Variants in LILRB2 observed in about 807,000 individuals in gnomAD.
The protein encoded by LILRB2 is leukocyte immunoglobulin like receptor B2.
A neutral mutation model predicts 72.7 loss-of-function variants in LILRB2; 47 were observed. The observed-to-expected ratio is 0.65, with a 90% confidence interval of 0.51 to 0.82. The LOEUF is 0.82. Ranked by LOEUF, LILRB2 falls within the 40% of genes least tolerant of loss-of-function variation. The pLI is 0.00. For missense variants in LILRB2, 767 were observed against 764.8 expected, an observed-to-expected ratio of 1.00 and a Z score of -0.03; for synonymous variants, 279 against 313.7, an observed-to-expected ratio of 0.89 and a Z score of 1.17.
rs996829487 is a variant in LILRB2 at position 54,278,368 on chromosome 19, T to C, written c.1150A>G (p.Ser384Gly). The stretch of plus-strand genomic sequence containing the variant: ...CCCGCGTGGGCTGAGGTCACAGGAC[T>C]CATGGGGAATTCAGCCTGGTACTTA... ...YPKYQAEFPM[S>G]PVTSAHAGTY... Residue 384 changes from serine (S) to glycine (G), a missense_variant, in exon 7 of 14, where the codon AGT becomes GGT. Ser to Gly is a moderately conservative substitution (Grantham distance 56). Transcript: ENST00000314446. 1.3e-5 allele frequency: 21 copies of C among 1,614,062 alleles called. No homozygotes were observed. Among genetic ancestry groups the C allele is most frequent in the Middle Eastern group, 1.6e-4 (1 of 6,084 alleles).
intron 13 of LILRB2, 194 bp from the exon 14 acceptor site, chr19:54,275,023 G>C: frequency 6.2e-7 from 1 of 1,603,910 alleles, no homozygotes; most frequent in East Asian, 2.2e-5. Flanking sequence ...GTGTTTCACC[G>C]GGGCATATGT....
rs539622045 is a variant in LILRB2 at position 54,276,064 on chromosome 19, G to T, written c.1595-61C>A. On this transcript the variant is annotated intron_variant, in intron 12 of 13. Coordinates refer to ENST00000314446, the MANE Select transcript of LILRB2 (RefSeq NM_001080978.4). The stretch of plus-strand genomic sequence containing the variant: ...AGGTTCCCTGGGACCTCTGAGTCCT[G>T]CCAGCCCCTGCCCTGCTCCCAGATG... 3.3e-4 allele frequency: 532 copies of T among 1,595,780 alleles called. 6 individuals carry two copies. The South Asian group carries it at 5.7e-3, about 17-fold the overall frequency.
intron 10 of LILRB2, 172 bp from the exon 11 acceptor site, chr19:54,276,628 G>T: frequency 7.0e-7 from 1 of 1,426,620 alleles, no homozygotes; most frequent in Non-Finnish European, 9.5e-7. Flanking sequence ...ATGGGACTGA[G>T]CCCGGAGGAC....
rs2080430058 is a variant in LILRB2 at position 54,279,374 on chromosome 19, G to A, written c.629C>T (p.Pro210Leu). The change falls in exon 5 of 14, where the codon CCC becomes CTC. Residue 210 changes from proline to leucine, a missense_variant. This residue lies in a region of LILRB2 where 599 missense variants were observed against 568.2 expected (regional missense o/e 1.05). Transcript: ENST00000314446. Reference sequence around the variant, plus strand: ...GACCAGGAGCTCCAGGAGATCACTGGGTGAAGACCACACATAGGGAGAGTT... The same window carrying A: ...GACCAGGAGCTCCAGGAGATCACTGAGTGAAGACCACACATAGGGAGAGTT... ...DLNSPYVWSS[P>L]SDLLELLVPG... is the part of the protein sequence containing the mutation. 1 of 1,613,590 alleles carries A rather than the reference G, an allele frequency of 6.2e-7. No individual in the cohort carries two copies. The highest frequency in any genetic ancestry group is 1.3e-5 in the African/African-American group (1 of 74,902).
Position 54,279,588 on chromosome 19 carries a change from T to C in LILRB2, c.415A>G (p.Arg139Gly). 1 of 1,614,118 alleles carries C rather than the reference T, an allele frequency of 6.2e-7. No homozygotes were observed. The highest frequency in any genetic ancestry group is 1.3e-5 in the African/African-American group (1 of 75,032). The stretch of plus-strand genomic sequence containing the variant: ...TGTGACTCACACTGGAGGGTCACCC[T>C]TCCTCCTGAGGTCACCACAGGGCTG... ...QPSPVVTSGG[R>G]VTLQCESQVA... Residue 139 changes from arginine to glycine, a missense_variant, in exon 5 of 14, where the codon AGG becomes GGG. Physicochemically the swap from Arg to Gly is moderately radical, Grantham distance 125 (BLOSUM62 -2). Transcript: ENST00000314446.
In LILRB2 at chr19:54,279,926, G is replaced by A. The variant is rs1366546333; in HGVS notation, c.220C>T (p.Arg74Ter). Residue 74 changes from arginine (R) to a stop codon, truncating the protein, a stop_gained, in exon 4 of 14, where the codon CGA (arginine) becomes TGA (stop). Coordinates refer to ENST00000314446, the MANE Select transcript of LILRB2 (RefSeq NM_001080978.4). LOFTEE classifies it high-confidence loss of function. ...TGGCCGTTCTTCACAAGCTCTGGTC[G>A]TATCCGTGTAATCCAAGATGCTGAT... is the stretch of plus-strand genomic sequence containing the variant. ...KKSASWITRI[R>*]PELVKNGQFH... 4 of 1,614,128 alleles carry A rather than the reference G, an allele frequency of 2.5e-6. No individual in the cohort carries two copies. Among genetic ancestry groups the A allele is most frequent in the South Asian group, 1.1e-5 (1 of 91,086 alleles).
Position 54,274,672 on chromosome 19 carries a change from T to G in LILRB2, c.*11A>C, listed in dbSNP as rs375564933. ...CCTTCTACTGAGTGTGGAGTCTGCG[T>G]ACCCTCCGGGCTAGTGGATGGCCAG... On this transcript the variant is annotated 3_prime_UTR_variant, in exon 14 of 14. Coordinates refer to ENST00000314446, the MANE Select transcript of LILRB2 (RefSeq NM_001080978.4). 8 of 1,613,916 alleles carry G rather than the reference T, an allele frequency of 5.0e-6. No homozygotes were observed. The highest frequency in any genetic ancestry group is 5.9e-6 in the Non-Finnish European group (7 of 1,180,018).
intron 4 of LILRB2, 67 bp from the exon 5 acceptor site, chr19:54,279,714 T>G (rs754050179): frequency 4.7e-5 from 75 of 1,606,320 alleles, no homozygotes; most frequent in Non-Finnish European, 6.2e-5. Flanking sequence ...AGGGCTGGGC[T>G]GTGAGAGGGA....
intron 7 of LILRB2, 41 bp downstream of exon 7, chr19:54,278,219 T>C (rs1231535120): frequency 4.3e-6 from 7 of 1,611,246 alleles, no homozygotes; most frequent in Non-Finnish European, 5.9e-6. Context: ...GGGCCTGAGC[T>C]GAGCCTTTGA....
In LILRB2 at chr19:54,279,835, G is replaced by A; in HGVS notation, c.311C>T (p.Ala104Val). Residue 104 changes from alanine (A) to valine (V), a missense_variant, in exon 4 of 14, where the codon GCT becomes GTT. Transcript: ENST00000314446. ...GRYGCQYYSRARWSELSDPLV... is the reference protein window; with the variant it reads ...GRYGCQYYSRVRWSELSDPLV... ...GGGGTCACTGAGCTCAGACCACCGA[G>A]CGCGGCTGTAATACTGACAGCCATA... 1.2e-6 allele frequency: 2 copies of A among 1,614,166 alleles called. No homozygotes were observed. The highest frequency in any genetic ancestry group is 8.5e-7 in the Non-Finnish European group (1 of 1,180,018).
rs1294255691 is a variant in LILRB2, at chr19:54,277,900, A to G, written c.1298T>C (p.Ile433Thr). 1.3e-6 allele frequency: 2 copies of G among 1,547,030 alleles called. No individual in the cohort carries two copies. Among genetic ancestry groups the G allele is most frequent in the Middle Eastern group, 1.7e-4 (1 of 5,964 alleles). ...CCTCAGGGACTCACCAGGTGTGGAGATGGGACCGGTGGGTGGGGGGCTGGA... is the reference window on the plus strand; with the variant it reads ...CCTCAGGGACTCACCAGGTGTGGAGGTGGGACCGGTGGGTGGGGGGCTGGA... ...MGSSPPPTGP[I>T]STPGPEDQPL... The change falls in exon 8 of 14, where the codon ATC (isoleucine) becomes ACC (threonine). Residue 433 changes from isoleucine (I) to threonine (T), a missense_variant. This residue lies in a region of LILRB2 where 599 missense variants were observed against 568.2 expected (regional missense o/e 1.05). Transcript: ENST00000314446.
chr19:54,276,295 G>C lies in LILRB2; in HGVS notation c.1563C>G (p.Ser521Arg), dbSNP rs1430076928. ...TTTCTTCCTGGGCGTCGGCAGCTGG[G>C]CTGGACCTGGGGGAGGAATGGGAGC... is the stretch of plus-strand genomic sequence containing the variant. ...PTDRGLQWRS[S>R]PAADAQEENL... The change falls in exon 12 of 14, where the codon AGC becomes AGG. Residue 521 changes from serine (S) to arginine (R), a missense_variant. Coordinates refer to ENST00000314446, the MANE Select transcript of LILRB2 (RefSeq NM_001080978.4). The C allele has an allele frequency of 6.2e-7, 1 of 1,614,122 alleles. No homozygotes were observed. The highest frequency in any genetic ancestry group is 8.5e-7 in the Non-Finnish European group (1 of 1,180,030).
At chr19:54,277,040 G>T (rs923831146) in intron 9 of LILRB2, 111 bp from the exon 10 acceptor site, 2 of 1,520,512 alleles carry the variant, frequency 1.3e-6, no homozygotes, top group Admixed American at 2.0e-5. Context: ...CACAACAGTC[G>T]TGCAGCACAC....
intron 1 of LILRB2, 88 bp downstream of exon 1, chr19:54,280,873 G>A: frequency 3.6e-6 from 1 of 277,970 alleles, no homozygotes; most frequent in Non-Finnish European, 5.8e-6. Context: ...GAGGGTAGCA[G>A]TGGCTTCCCC....
chr19:54,280,678 A>G, intron 1 of LILRB2, 134 bp from the exon 2 acceptor site: 1 of 1,247,168 alleles, frequency 8.0e-7, no homozygotes, highest in Non-Finnish European at 1.1e-6. Flanking sequence ...CCCTCCCAGG[A>G]GCCTGACTCT....
chr19:54,278,097 G>A (rs2080331029), intron 7 of LILRB2, 158 bp from the exon 8 acceptor site: 2 of 1,158,256 alleles, frequency 1.7e-6, no homozygotes, highest in Admixed American at 2.7e-5. Flanking sequence ...AGTGTGCGCA[G>A]GCCTGGGAGG....
intron 3 of LILRB2, 63 bp from the exon 4 acceptor site, chr19:54,280,138 C>T: frequency 6.2e-7 from 1 of 1,608,860 alleles, no homozygotes; most frequent in Non-Finnish European, 8.5e-7. Flanking sequence ...CAGCTCTCAG[C>T]CCAGGACCCT....
chr19:54,277,378 A>C (rs1437891380), intron 9 of LILRB2, 172 bp downstream of exon 9: 1 of 1,245,516 alleles, frequency 8.0e-7, no homozygotes, highest in Non-Finnish European at 1.1e-6. Flanking sequence ...TGAGAGCTGA[A>C]AGGAACTTTC....
intron 13 of LILRB2, 85 bp downstream of exon 13, chr19:54,275,866 C>A: frequency 1.3e-6 from 2 of 1,535,142 alleles, no homozygotes; most frequent in South Asian, 1.1e-5. Context: ...TGCTGAGAGC[C>A]GGGGGAAGGA....
Sources: gnomAD v4.1 joint callset for allele counts on GRCh38, gnomAD v4.1.1 for gene constraint, gnomAD v4.1.1 regional missense constraint, MANE v1.5 for transcripts, NCBI Gene and HGNC (gene_info 2026-07-23, HGNC 2026-07-21) for gene names.